Variants in C2 observed in about 807,000 individuals in gnomAD.
C2 encodes C3/C5 convertase.
A neutral mutation model predicts 85.2 loss-of-function variants in C2; 64 were observed. That is an observed-to-expected ratio of 0.75 (90% CI 0.61 to 0.92). The LOEUF is 0.92. Ranked by LOEUF, C2 falls within the 40% of genes least tolerant of loss-of-function variation. The pLI is 0.00. For synonymous variants in C2, 311 were observed against 370.8 expected (o/e 0.84, Z 1.85); for missense variants, 820 against 971.6 (o/e 0.84, Z 2.07).
rs1771220863 is a variant in C2, at chr6:31,944,757, G to GA, written c.1939dup (p.Thr647AsnfsTer26). The GA allele has an allele frequency of 2.5e-6, 4 of 1,612,954 alleles. No individual in the cohort carries two copies. The highest frequency in any genetic ancestry group is 2.2e-5 in the East Asian group (1 of 44,900). Reference sequence around the variant, plus strand: ...AAGCTGTGCCGAGGTTGTCTCCCAAGAAAAAACCATGTTCCCCAACTTGAC... The same window carrying GA: ...AAGCTGTGCCGAGGTTGTCTCCCAAGAAAAAAACCATGTTCCCCAACTTGAC... On this transcript the variant is annotated frameshift_variant, in exon 16 of 18. Coordinates refer to ENST00000299367, the MANE Select transcript of C2 (RefSeq NM_000063.6). LOFTEE classifies it high-confidence loss of function. The surrounding 1 kb of genome is among the most constrained non-coding windows in gnomAD (Gnocchi z 5.1).
At chr6:31,912,256 G>A (rs1052696863) in intron 1 of C2, among the ~76,000 whole-genome samples, 2 of 152,190 alleles carry the variant, frequency 1.3e-5, no homozygotes, top group Admixed American at 6.5e-5. Flanking sequence ...CCATGAGACT[G>A]TTGCTTCTTG....
At position 31,921,059 on chromosome 6, in the gene C2, T is replaced by C. The variant is rs1768932323; in HGVS notation, c.-100+1033T>C. ...AGTTGGGCAATCACTTCAAAGTTAG[T>C]AGGCAGTGCCTGCTAGGATGGGGGA... On this transcript the variant is annotated intron_variant, in intron 1 of 3. Transcript: ENST00000413154. This position sits in a 1 kb window ranked among gnomAD's most constrained non-coding sequence, Gnocchi z 4.6. Among the ~76,000 whole-genome samples the C allele has an allele frequency of 6.6e-6, 1 of 152,116 alleles. No homozygotes were observed. The highest frequency in any genetic ancestry group is 1.5e-5 in the Non-Finnish European group (1 of 68,010).
At chr6:31,923,173 G>A (rs530124511), upstream of C2, among the ~76,000 whole-genome samples, 1 of 152,328 alleles carries the variant, frequency 6.6e-6, no homozygotes, top group Non-Finnish European at 1.5e-5. Context: ...AGTGCCGAGG[G>A]GAATAAAGGT....
chr6:31,901,433 C>G lies in C2; in HGVS notation c.73+294C>G. The G allele has an allele frequency of 7.5e-6, 8 of 1,061,012 alleles. No homozygotes were observed. The South Asian group carries it at 1.2e-4, about 16-fold the overall frequency. 65.7% of individuals were successfully genotyped at this position (1,061,012 alleles called of 1,614,324 possible). On this transcript the variant is annotated intron_variant, in intron 1 of 3. Transcript: ENST00000452202. ...CCCAGCCCCCCGGCATCCGATCTCC[C>G]GGTCTTCAGATTTCTTCCTCAGTTT...
At chr6:31,905,712 T>C (rs1195667879) in intron 1 of C2, among the ~76,000 whole-genome samples, 3 of 152,114 alleles carry the variant, frequency 2.0e-5, no homozygotes, top group Non-Finnish European at 2.9e-5. Flanking sequence ...CCAGTCCATC[T>C]TGAAGTCATC....
At chr6:31,942,929 G>A (rs984398196) in intron 9 of C2, 30 bp from the exon 10 acceptor site, 2 of 1,612,730 alleles carry the variant, frequency 1.2e-6, no homozygotes, top group Non-Finnish European at 1.7e-6. Context: ...AAAGCCACAG[G>A]AGTCTGGTGA....
rs151097610 is a variant in C2 at position 31,935,916 on chromosome 6, C to T, written c.850-7C>T. On this transcript the variant is annotated splice_region_variant and splice_polypyrimidine_tract_variant and intron_variant, in intron 6 of 17. Transcript: ENST00000299367. The surrounding 1 kb of genome is among the most constrained non-coding windows in gnomAD (Gnocchi z 4.3). ...CCTTTACGCTGCCTCTCACTTGCCCCGCACAGATCTTCAGCTTTGAGATCA... is the reference window on the plus strand; with the variant it reads ...CCTTTACGCTGCCTCTCACTTGCCCTGCACAGATCTTCAGCTTTGAGATCA... The T allele has an allele frequency of 8.9e-5, 143 of 1,612,886 alleles. No homozygotes were observed. In the African/African-American group the frequency reaches 1.1e-3, roughly 12 times the overall value.
At chr6:31,923,280 A>G (rs552529572), upstream of C2, among the ~76,000 whole-genome samples, 104 of 152,244 alleles carry the variant, frequency 6.8e-4, no homozygotes, top group Middle Eastern at 3.4e-3. Context: ...CTTTTTGCCA[A>G]TGGAATATGA....
chr6:31,901,674 T>C (rs1739264449), intron 1 of C2, among the ~76,000 whole-genome samples: 2 of 145,330 alleles, frequency 1.4e-5, no homozygotes, highest in African/African-American at 2.5e-5. Flanking sequence ...CCCGCCCCCT[T>C]TACCGGCTGC....
At chr6:31,939,357 C>A in intron 9 of C2, 37 bp downstream of exon 9, 1 of 1,428,474 alleles carries the variant, frequency 7.0e-7, no homozygotes, top group Non-Finnish European at 9.9e-7. Context: ...TTGTTCTGCT[C>A]CTGCAGAGGT....
In C2 at chr6:31,944,826, A is replaced by T. The variant is rs757893144; in HGVS notation, c.2002A>T (p.Thr668Ser). Residue 668 changes from threonine to serine, a missense_variant, in exon 16 of 18, where the codon ACC (threonine) becomes TCC (serine). By Grantham distance (58) the Thr-to-Ser change is moderately conservative. Coordinates refer to ENST00000299367, the MANE Select transcript of C2 (RefSeq NM_000063.6). The surrounding 1 kb of genome is among the most constrained non-coding windows in gnomAD (Gnocchi z 5.1). ...VVTDQFLCSG[T>S]QEDESPCKGE... is the part of the protein sequence containing the mutation. ...GACAGACCAGTTCCTATGCAGTGGG[A>T]CCCAGGAGGATGAGAGTCCCTGCAA... The T allele has an allele frequency of 1.2e-6, 2 of 1,613,052 alleles. No individual in the cohort carries two copies. The highest frequency in any genetic ancestry group is 4.5e-5 in the East Asian group (2 of 44,888).
chr6:31,911,718 C>G (rs1229999021), intron 1 of C2, among the ~76,000 whole-genome samples: 1 of 151,524 alleles, frequency 6.6e-6, no homozygotes, highest in Non-Finnish European at 1.5e-5. Flanking sequence ...CAGCCTCCGC[C>G]TCCCGGGTTC....
chr6:31,898,998 G>C (rs1003121795), upstream of C2, among the ~76,000 whole-genome samples: 2 of 151,786 alleles, frequency 1.3e-5, no homozygotes, highest in Non-Finnish European at 2.9e-5. Flanking sequence ...TAGGTATTAA[G>C]AACGCAGCAT....
At chr6:31,918,768 C>T (rs532956583), upstream of C2, among the ~76,000 whole-genome samples, 4 of 149,570 alleles carry the variant, frequency 2.7e-5, no homozygotes, top group East Asian at 4.1e-4. Flanking sequence ...GGTGTAGTGG[C>T]GGGCACCTGT....
chr6:31,939,362 AG>A, intron 9 of C2, 42 bp downstream of exon 9: 1 of 1,391,822 alleles, frequency 7.2e-7, no homozygotes, highest in South Asian at 1.2e-5. Flanking sequence ...CTGCTCCTGC[AG>A]AGGTCATGAG....
intron 3 of C2, among the ~76,000 whole-genome samples, chr6:31,930,999 G>A (rs1769693083): frequency 6.6e-6 from 1 of 152,186 alleles, no homozygotes; most frequent in Non-Finnish European, 1.5e-5. Flanking sequence ...TCTGACCTCT[G>A]TCTCCATGGA....
Position 31,944,211 on chromosome 6 carries a change from T to A in C2, c.1887T>A (p.Leu629=). The change falls in exon 15 of 18, where the codon CTT becomes CTA. Residue 629 remains leucine, a synonymous_variant. Coordinates refer to ENST00000299367, the MANE Select transcript of C2 (RefSeq NM_000063.6). The surrounding 1 kb of genome is among the most constrained non-coding windows in gnomAD (Gnocchi z 5.1). ...ATGGGAGCAAACTGAACATTAACCT[T>A]AAGATGGGAGTGGAGGTGAGGGTCT... ...ALNGSKLNIN[L]KMGVEWTSCA... is the part of the protein sequence containing the mutation. The A allele has an allele frequency of 6.2e-7, 1 of 1,610,304 alleles. No individual in the cohort carries two copies. Among genetic ancestry groups the A allele is most frequent in the Middle Eastern group, 1.7e-4 (1 of 6,060 alleles).
At chr6:31,931,921 C>G (rs9267681) in intron 3 of C2, among the ~76,000 whole-genome samples, 35,490 of 73,514 alleles carry the variant, frequency 0.48, 6,950 homozygotes, top group South Asian at 0.58. Context: ...TCCCGGACGG[C>G]GCGGCTGGCC....
chr6:31,944,332 C>T lies in C2; in HGVS notation c.1902+106C>T. On this transcript the variant is annotated intron_variant, in intron 15 of 17. Coordinates refer to ENST00000299367, the MANE Select transcript of C2 (RefSeq NM_000063.6). The surrounding 1 kb of genome is among the most constrained non-coding windows in gnomAD (Gnocchi z 5.1). ...GCTTTCTCTCTCTGACGCGGGTCAC[C>T]CCTCCTCCCAAGCCTCACAAACCTG... The T allele has an allele frequency of 3.7e-6, 3 of 815,388 alleles. No homozygotes were observed. The highest frequency in any genetic ancestry group is 6.4e-6 in the Non-Finnish European group (3 of 470,592). The allele number at this position is 815,388 out of a possible 1,614,324, so 50.5% of individuals were successfully genotyped here.
Sources: gnomAD v4.1 joint callset for allele counts (sites outside exome capture counted in the v4.1 genomes callset) on GRCh38, gnomAD v4.1.1 for gene constraint, Gnocchi (gnomAD v3.1) non-coding constraint, MANE v1.5 for transcripts, NCBI Gene and HGNC (gene_info 2026-07-23, HGNC 2026-07-21) for gene names.